Variants in NUBP1 observed in about 807,000 individuals in gnomAD.
NUBP1 encodes cytosolic Fe-S cluster assembly factor NUBP1.
Under a neutral mutation model 41.8 loss-of-function variants are expected in NUBP1, and 46 were observed. The observed-to-expected ratio is 1.10, with a 90% CI of 0.87 to 1.41. The LOEUF (loss-of-function observed/expected upper bound fraction) is 1.41. NUBP1 is among the 40% of genes most tolerant of loss of function. NUBP1 has a pLI of 0.00. For missense variants in NUBP1, 494 were observed against 414.0 expected, an observed-to-expected ratio of 1.19 and a Z score of -1.68; for synonymous variants, 189 against 154.6, an observed-to-expected ratio of 1.22 and a Z score of -1.65.
chr16:10,752,711 T>C, intron 4 of NUBP1, 33 bp downstream of exon 4: 1 of 1,568,522 alleles, frequency 6.4e-7, no homozygotes. Context: ...AGGAAATTAT[T>C]CTCTTAAGGC....
rs147535477 is a variant in NUBP1, at chr16:10,767,546, A to G, written c.821-403A>G. The stretch of plus-strand genomic sequence containing the variant: ...ATCTTTCTGGAAAGACACCTAGAAC[A>G]CTAGTAGCCCTTTTCGGACTTGGCC... On this transcript the variant is annotated intron_variant, in intron 9 of 10. Transcript: ENST00000283027. This position sits in a 1 kb window ranked among gnomAD's most constrained non-coding sequence, Gnocchi z 4.6. 1.7e-3 allele frequency: 777 copies of G among 446,906 alleles called. 10 individuals are homozygous for G. Among genetic ancestry groups the G allele is most frequent in the African/African-American group, 0.014 (713 of 49,882 alleles). 27.7% of individuals were successfully genotyped at this position (446,906 alleles called of 1,614,324 possible).
chr16:10,761,856 A>G lies in NUBP1; in HGVS notation c.817A>G (p.Ile273Val). 1 of 1,613,028 alleles carries G rather than the reference A, an allele frequency of 6.2e-7. No individual in the cohort carries two copies. The change falls in exon 9 of 11, where the codon ATA (isoleucine) becomes GTA (valine). Residue 273 changes from isoleucine (I) to valine (V), a missense_variant. By Grantham distance (29) the Ile-to-Val change is conservative (BLOSUM62 3). Coordinates refer to ENST00000283027, the MANE Select transcript of NUBP1 (RefSeq NM_002484.4). ...LLGRVPLDPLIGKNCDKGQSF... is the reference protein window; with the variant it reads ...LLGRVPLDPLVGKNCDKGQSF... ...CGGCAGAGTGCCCCTGGATCCGCTCATAGGTGGGTGACCCCAGTGTGGGGC... is the reference window on the plus strand; with the variant it reads ...CGGCAGAGTGCCCCTGGATCCGCTCGTAGGTGGGTGACCCCAGTGTGGGGC...
At position 10,768,941 on chromosome 16, in the gene NUBP1, C is replaced by A; in HGVS notation, c.905-106C>A. 1 of 966,372 alleles carries A rather than the reference C, an allele frequency of 1.0e-6. No individual in the cohort carries two copies. Among genetic ancestry groups the A allele is most frequent in the Non-Finnish European group, 1.6e-6 (1 of 610,300 alleles). The allele number at this position is 966,372 out of a possible 1,614,324, so 59.9% of individuals were successfully genotyped here. A position where few individuals can be genotyped will look rare whatever the true frequency, so the allele number is the denominator to read the frequency against. ...ACACAGGTCTTTTTATGGAACTAGC[C>A]AGAGGATTCCACCCCTGTCAAAACA... On this transcript the variant is annotated intron_variant, in intron 10 of 10. Coordinates refer to ENST00000283027, the MANE Select transcript of NUBP1 (RefSeq NM_002484.4). The surrounding 1 kb of genome is among the most constrained non-coding windows in gnomAD (Gnocchi z 4.3).
intron 3 of NUBP1, among the ~76,000 whole-genome samples, chr16:10,752,195 G>A (rs1900348679): frequency 6.6e-6 from 1 of 152,206 alleles, no homozygotes; most frequent in Non-Finnish European, 1.5e-5. Flanking sequence ...CTTGGTGAGG[G>A]GTGAGCAAAA....
intron 9 of NUBP1, among the ~76,000 whole-genome samples, chr16:10,763,235 A>C (rs1478445733): frequency 6.6e-6 from 1 of 152,006 alleles, no homozygotes; most frequent in Non-Finnish European, 1.5e-5. Context: ...AAGGTGGTTC[A>C]TGTCCGTGCA....
rs2029961998 is a variant in NUBP1, at chr16:10,761,879, G to A, written c.820+20G>A. 2 of 1,590,632 alleles carry A rather than the reference G, an allele frequency of 1.3e-6. No homozygotes were observed. Among genetic ancestry groups the A allele is most frequent in the Non-Finnish European group, 8.6e-7 (1 of 1,159,858 alleles). ...TCATAGGTGGGTGACCCCAGTGTGG[G>A]GCGGCACCTCACTCCTCGGTCAGCC... On this transcript the variant is annotated intron_variant, in intron 9 of 10. Transcript: ENST00000283027.
intron 4 of NUBP1, among the ~76,000 whole-genome samples, chr16:10,753,973 C>T (rs1900439073): frequency 6.6e-6 from 1 of 152,018 alleles, no homozygotes; most frequent in Non-Finnish European, 1.5e-5. Context: ...GGAAGGAGAG[C>T]GATGTCACCC....
rs1168114243 is a variant in NUBP1, at chr16:10,767,756, A to G, written c.821-193A>G. ...ACCACCTGATTATTTAGCCACGCTG[A>G]AATGCTGGCTGGGGACCCTGCTGGA... is the stretch of plus-strand genomic sequence containing the variant. On this transcript the variant is annotated intron_variant, in intron 9 of 10. Coordinates refer to ENST00000283027, the MANE Select transcript of NUBP1 (RefSeq NM_002484.4). This position sits in a 1 kb window ranked among gnomAD's most constrained non-coding sequence, Gnocchi z 4.6. 2 of 594,062 alleles carry G rather than the reference A, an allele frequency of 3.4e-6. No individual in the cohort carries two copies. The highest frequency in any genetic ancestry group is 6.0e-6 in the Non-Finnish European group (2 of 334,106). 36.8% of individuals were successfully genotyped at this position (594,062 alleles called of 1,614,324 possible).
intron 3 of NUBP1, among the ~76,000 whole-genome samples, chr16:10,751,269 GTC>G (rs1353222967): frequency 6.6e-6 from 1 of 152,200 alleles, no homozygotes; most frequent in Non-Finnish European, 1.5e-5. Context: ...ATCGAGGAAA[GTC>G]TCTATCACAG....
chr16:10,753,938 T>C (rs1320594683), intron 4 of NUBP1, among the ~76,000 whole-genome samples: 1 of 152,110 alleles, frequency 6.6e-6, no homozygotes, highest in African/African-American at 2.4e-5. Flanking sequence ...TTCTAAGGCC[T>C]TGGGGTTTGC....
At chr16:10,746,140 A>ATGGGGAGGAGGACAGCAGTG in intron 2 of NUBP1, among the ~76,000 whole-genome samples, 1 of 152,200 alleles carries the variant, frequency 6.6e-6, no homozygotes, top group Middle Eastern at 3.2e-3. Flanking sequence ...CTGTCTGTTG[A>ATGGGGAGGAGGACAGCAGTG]TGGGGAGGAG....
rs1386978945 is a variant in NUBP1, at chr16:10,769,024, A to C, written c.905-23A>C. Reference sequence around the variant, plus strand: ...GGGGTAGACAAGCCATTAGCACTCTATGCCTGTCGTCTTGTTTTCCAGGAA... The same window carrying C: ...GGGGTAGACAAGCCATTAGCACTCTCTGCCTGTCGTCTTGTTTTCCAGGAA... On this transcript the variant is annotated intron_variant, in intron 10 of 10. Transcript: ENST00000283027. 1.9e-6 allele frequency: 3 copies of C among 1,613,042 alleles called. No individual in the cohort carries two copies. In the East Asian group the frequency reaches 6.7e-5, roughly 36 times the overall value.
rs191249995 is a variant in NUBP1 at position 10,746,569 on chromosome 16, C to T, written c.125-574C>T. 4.5e-3 allele frequency among the ~76,000 whole-genome samples: 687 copies of T among 152,160 alleles called. 2 individuals carry two copies. Among genetic ancestry groups the T allele is most frequent in the Non-Finnish European group, 5.8e-3 (397 of 67,992 alleles). On this transcript the variant is annotated intron_variant, in intron 2 of 10. Transcript: ENST00000283027. ...TAGCCTGGCCAACATAGAGAAACACCGTCTCTATTAAAAATACAAAAATTA... is the reference window on the plus strand; with the variant it reads ...TAGCCTGGCCAACATAGAGAAACACTGTCTCTATTAAAAATACAAAAATTA...
At chr16:10,748,525 A>T (rs752076055) in intron 3 of NUBP1, among the ~76,000 whole-genome samples, 4 of 151,990 alleles carry the variant, frequency 2.6e-5, no homozygotes, top group Non-Finnish European at 4.4e-5. Context: ...TCCCAGCTCC[A>T]TCTACACCAC....
At position 10,750,872 on chromosome 16, in the gene NUBP1, C is replaced by T. The variant is rs1330036802; in HGVS notation, c.259-1738C>T. ...AGCCTTGCAGCATCTCCACCTTCTG[C>T]AGCAAACGCGGCCTCTTCCCATCAG... On this transcript the variant is annotated intron_variant, in intron 3 of 10. Coordinates refer to ENST00000283027, the MANE Select transcript of NUBP1 (RefSeq NM_002484.4). Among the ~76,000 whole-genome samples, 5 of 152,348 alleles carry T rather than the reference C, an allele frequency of 3.3e-5. 1 individual carries two copies. Among genetic ancestry groups the T allele is most frequent in the African/African-American group, 1.2e-4 (5 of 41,586 alleles).
chr16:10,760,474 A>C (rs913700940), intron 7 of NUBP1, among the ~76,000 whole-genome samples: 2 of 152,264 alleles, frequency 1.3e-5, no homozygotes, highest in Non-Finnish European at 2.9e-5. Context: ...AGATAGGCAC[A>C]GTGGCTCACG....
chr16:10,759,753 G>A lies in NUBP1; in HGVS notation c.607-1611G>A, dbSNP rs1244292016. 6.6e-6 allele frequency among the ~76,000 whole-genome samples: 1 copy of A among 152,156 alleles called. No homozygotes were observed. The highest frequency in any genetic ancestry group is 2.4e-5 in the African/African-American group (1 of 41,436). On this transcript the variant is annotated intron_variant, in intron 7 of 10. Coordinates refer to ENST00000283027, the MANE Select transcript of NUBP1 (RefSeq NM_002484.4). The surrounding 1 kb of genome is among the most constrained non-coding windows in gnomAD (Gnocchi z 4.7). ...ATCGCGCCACTGCACTCCAGCCTGG[G>A]CGACAGAGCAAGACTCTGTCTCAAA...
chr16:10,761,883 G>T, intron 9 of NUBP1, 24 bp downstream of exon 9: 5 of 1,566,632 alleles, frequency 3.2e-6, no homozygotes, highest in Non-Finnish European at 4.4e-6. Context: ...GTGTGGGGCG[G>T]CACCTCACTC....
chr16:10,757,808 A>AT lies in NUBP1; in HGVS notation c.452-65_452-64insT. On this transcript the variant is annotated intron_variant, in intron 6 of 10. Transcript: ENST00000283027. The surrounding 1 kb of genome is among the most constrained non-coding windows in gnomAD (Gnocchi z 4.1). The stretch of plus-strand genomic sequence containing the variant: ...CAAGACCCCATCCTTTAAAAAAAAA[A>AT]GAGGGAGTTGAAAGTACAGAAAAGA... The AT allele has an allele frequency of 6.4e-7, 1 of 1,562,960 alleles. No homozygotes were observed. Among genetic ancestry groups the AT allele is most frequent in the Non-Finnish European group, 8.7e-7 (1 of 1,146,624 alleles).
Sources: gnomAD v4.1 joint callset for allele counts (sites outside exome capture counted in the v4.1 genomes callset) on GRCh38, gnomAD v4.1.1 for gene constraint, Gnocchi (gnomAD v3.1) non-coding constraint, MANE v1.5 for transcripts, NCBI Gene and HGNC (gene_info 2026-07-23, HGNC 2026-07-21) for gene names.